KLF12: variants seen among roughly 807,000 people sequenced by gnomAD.
The protein encoded by KLF12 is KLF transcription factor 12.
In KLF12, 9 loss-of-function variants were observed where a neutral mutation model predicts 37.8. The observed-to-expected ratio is 0.24, with a 90% CI of 0.14 to 0.42. The LOEUF (loss-of-function observed/expected upper bound fraction) is 0.42. KLF12 is among the 10% of genes least tolerant of loss of function. The pLI, the probability that KLF12 is intolerant of heterozygous loss-of-function variation, is 1.00. For missense variants in KLF12, 411 were observed against 516.0 expected (o/e 0.80, Z 1.97); for synonymous variants, 208 against 202.1 (o/e 1.03, Z -0.25).
At chr13:74,005,270 A>G (rs1195394045) in intron 1 of KLF12, among the ~76,000 whole-genome samples, 1 of 152,202 alleles carries the variant, frequency 6.6e-6, no homozygotes, top group African/African-American at 2.4e-5. Flanking sequence ...CAACGCTGTC[A>G]AATAGTTAAC....
At chr13:73,706,261 T>C (rs975647278) in intron 7 of KLF12, among the ~76,000 whole-genome samples, 1 of 152,244 alleles carries the variant, frequency 6.6e-6, no homozygotes, top group Non-Finnish European at 1.5e-5. Context: ...ACAACTCATT[T>C]AGTTATTTAT....
intron 3 of KLF12, among the ~76,000 whole-genome samples, chr13:73,913,054 G>C (rs1034182068): frequency 6.6e-6 from 1 of 152,070 alleles, no homozygotes; most frequent in African/African-American, 2.4e-5. Flanking sequence ...TCCCCAAGCA[G>C]GGCACACATT....
chr13:73,868,054 G>A (rs1279398941), intron 3 of KLF12, among the ~76,000 whole-genome samples: 1 of 150,370 alleles, frequency 6.7e-6, no homozygotes, highest in Admixed American at 6.7e-5. Context: ...AAAATGCTGG[G>A]TGTAGTGGCT....
intron 3 of KLF12, among the ~76,000 whole-genome samples, chr13:73,849,074 T>A (rs1885177787): frequency 6.6e-6 from 1 of 152,146 alleles, no homozygotes; most frequent in East Asian, 1.9e-4. Context: ...CACAGACATA[T>A]CTGTAAAGCC....
At chr13:74,193,144 A>G in the KLF12 span, among the ~76,000 whole-genome samples, 6 of 151,806 alleles carry the variant, frequency 4.0e-5, no homozygotes, top group Admixed American at 1.3e-4. Flanking sequence ...ACGCCCAGCT[A>G]ATTTTTGTGT....
At chr13:74,108,706 G>T (rs940301294) in intron 1 of KLF12, among the ~76,000 whole-genome samples, 1 of 152,094 alleles carries the variant, frequency 6.6e-6, no homozygotes, top group Non-Finnish European at 1.5e-5. Flanking sequence ...AAGTAAACTA[G>T]AGAAAAGTTA....
chr13:73,999,721 C>T (rs2138298810), intron 1 of KLF12, among the ~76,000 whole-genome samples: 1 of 152,168 alleles, frequency 6.6e-6, no homozygotes, highest in Admixed American at 6.5e-5. Flanking sequence ...GCCTGGGCAA[C>T]AGAGGGAGAC....
At chr13:73,797,852 C>T (rs559908721) in intron 5 of KLF12, among the ~76,000 whole-genome samples, 144 of 152,036 alleles carry the variant, frequency 9.5e-4, no homozygotes, top group African/African-American at 3.2e-3. Context: ...GCTCAAAACC[C>T]GCCACTAGAG....
At chr13:73,884,934 C>A (rs1444571689) in intron 3 of KLF12, among the ~76,000 whole-genome samples, 1 of 152,156 alleles carries the variant, frequency 6.6e-6, no homozygotes, top group Non-Finnish European at 1.5e-5. Context: ...ACCTCTGGGG[C>A]ACCATACTTC....
the KLF12 span, among the ~76,000 whole-genome samples, chr13:74,227,118 C>T: frequency 0.015 from 2,259 of 152,222 alleles, 56 homozygotes; most frequent in African/African-American, 0.052. Context: ...CCAATACACC[C>T]TACATGGGTA....
intron 6 of KLF12, among the ~76,000 whole-genome samples, chr13:73,756,652 T>C (rs547811856): frequency 9.9e-5 from 15 of 152,162 alleles, no homozygotes; most frequent in Admixed American, 5.9e-4. Context: ...TGGTTCTAAT[T>C]TATAAAGAGT....
At chr13:73,958,862 C>A (rs1314508772) in intron 2 of KLF12, among the ~76,000 whole-genome samples, 2 of 129,310 alleles carry the variant, frequency 1.5e-5, no homozygotes, top group Non-Finnish European at 3.8e-5. Context: ...ATGAGTCAGT[C>A]CCAAACAACG....
At chr13:74,199,730 A>G in the KLF12 span, among the ~76,000 whole-genome samples, 1 of 152,216 alleles carries the variant, frequency 6.6e-6, no homozygotes, top group African/African-American at 2.4e-5. Flanking sequence ...ACATGATCAG[A>G]TAGAAAGTTC....
rs552265489 is a variant in KLF12 at position 74,038,298 on chromosome 13, T to A, written c.-31-43245A>T. Among the ~76,000 whole-genome samples, 38 of 152,314 alleles carry A rather than the reference T, an allele frequency of 2.5e-4. No homozygotes were observed. The South Asian group carries it at 7.5e-3, about 30-fold the overall frequency. ...ATAATTTTTTCAAAAAGGCTGTCAG[T>A]TGCAAACACTGTTAGACATACATGC... is the stretch of plus-strand genomic sequence containing the variant. On this transcript the variant is annotated intron_variant, in intron 1 of 7. Transcript: ENST00000377669.
the KLF12 span, among the ~76,000 whole-genome samples, chr13:74,139,873 T>G: frequency 6.6e-6 from 1 of 152,100 alleles, no homozygotes; most frequent in East Asian, 1.9e-4. Flanking sequence ...TCCTTGCTTT[T>G]TTAACTTTAC....
chr13:73,699,038 G>T (rs1305567855), intron 7 of KLF12, among the ~76,000 whole-genome samples: 1 of 151,904 alleles, frequency 6.6e-6, no homozygotes, highest in African/African-American at 2.4e-5. Flanking sequence ...ATTGATTTCT[G>T]GGCAACAGGA....
At chr13:73,792,529 A>C (rs1881747779) in intron 5 of KLF12, among the ~76,000 whole-genome samples, 1 of 152,190 alleles carries the variant, frequency 6.6e-6, no homozygotes, top group Non-Finnish European at 1.5e-5. Flanking sequence ...TCTTCACTAG[A>C]ATAATCTAGA....
chr13:74,275,051 G>C, the KLF12 span, among the ~76,000 whole-genome samples: 1 of 152,174 alleles, frequency 6.6e-6, no homozygotes, highest in Admixed American at 6.6e-5. Context: ...AAGGCACTGA[G>C]AAGGTGACAT....
At chr13:74,278,462 T>G in the KLF12 span, among the ~76,000 whole-genome samples, 2 of 152,212 alleles carry the variant, frequency 1.3e-5, no homozygotes, top group Non-Finnish European at 2.9e-5. Flanking sequence ...CAACTCTCTT[T>G]CCTTCTTCCA....
Sources: allele counts gnomAD v4.1 joint callset (sites outside exome capture counted in the v4.1 genomes callset), GRCh38; gene constraint gnomAD v4.1.1; transcripts MANE v1.5; gene names NCBI Gene and HGNC (gene_info 2026-07-23, HGNC 2026-07-21).